TNKS1BP1: variants seen among roughly 807,000 people sequenced by gnomAD.
TNKS1BP1 encodes 182 kDa tankyrase-1-binding protein.
In TNKS1BP1, 48 loss-of-function variants were observed where a neutral mutation model predicts 141.1. That is an observed-to-expected ratio of 0.34 (90% confidence interval 0.27 to 0.43). The LOEUF (loss-of-function observed/expected upper bound fraction) is 0.43, where lower values mean the gene tolerates loss of function less well. Among genes scored for constraint, TNKS1BP1 ranks in the 20% least tolerant of loss-of-function variants. The pLI, the probability that TNKS1BP1 is intolerant of heterozygous loss-of-function variation, is 1.00. For missense variants in TNKS1BP1, 2,149 were observed against 2,226.0 expected (o/e 0.97, Z 0.70); for synonymous variants, 875 against 898.2 (o/e 0.97, Z 0.46).
chr11:57,301,183 A>T, intron 9 of TNKS1BP1, 142 bp from the exon 10 acceptor site: 1 of 903,118 alleles, frequency 1.1e-6, no homozygotes, highest in South Asian at 2.0e-5. Flanking sequence ...AAAGGATGGG[A>T]AGTCACTTAG....
intron 9 of TNKS1BP1, 47 bp from the exon 10 acceptor site, chr11:57,301,088 T>C (rs1270506051): frequency 3.9e-6 from 6 of 1,538,408 alleles, no homozygotes; most frequent in African/African-American, 1.4e-5. Context: ...GGACAGGCAG[T>C]AGGACTCTCA....
chr11:57,321,744 T>C, intron 2 of TNKS1BP1, 48 bp downstream of exon 2: 9 of 1,039,664 alleles, frequency 8.7e-6, no homozygotes, highest in South Asian at 2.6e-5. Context: ...CCTCTGTCCT[T>C]CCCACCCCCC....
At chr11:57,321,004 C>T (rs1030171839) in intron 2 of TNKS1BP1, among the ~76,000 whole-genome samples, 1 of 152,172 alleles carries the variant, frequency 6.6e-6, no homozygotes, top group Non-Finnish European at 1.5e-5. Context: ...CTGTATTTTG[C>T]CCCTAGCATA....
At chr11:57,324,808 C>T in intron 1 of TNKS1BP1, 32 bp downstream of exon 1, 1 of 985,602 alleles carries the variant, frequency 1.0e-6, no homozygotes, top group Non-Finnish European at 1.2e-6. Context: ...GACCCCGCCC[C>T]CTCCTTCGCC....
In TNKS1BP1 at chr11:57,312,873, C is replaced by G; in HGVS notation, c.1815G>C (p.Leu605=). 6.2e-7 allele frequency: 1 copy of G among 1,608,146 alleles called. No homozygotes were observed. Among genetic ancestry groups the G allele is most frequent in the Non-Finnish European group, 8.5e-7 (1 of 1,176,560 alleles). The part of the protein sequence containing the change: ...PLAGQESPLP[L]ATREAALPIL... ...TGGGCAAGGCTGCCTCCCTGGTAGC[C>G]AGGGGGAGAGGGGACTCCTGTCCAG... is the stretch of plus-strand genomic sequence containing the variant. The change falls in exon 5 of 12, where the codon CTG becomes CTC. Residue 605 remains leucine (L), a synonymous_variant. Coordinates refer to ENST00000358252, the MANE Select transcript of TNKS1BP1 (RefSeq NM_033396.3).
chr11:57,320,023 T>TA, intron 3 of TNKS1BP1, 56 bp downstream of exon 3: 2 of 641,916 alleles, frequency 3.1e-6, no homozygotes, highest in South Asian at 1.7e-5. Context: ...CCCCACCCAA[T>TA]CCCACCCCAC....
rs1418613149 is a variant in TNKS1BP1 at position 57,320,236 on chromosome 11, G to A, written c.571C>T (p.His191Tyr). ...GGGCCATATCGCGAGCTGCCATCGT[G>A]GTTAAAGGTGAGGCGGGAACCCCAC... ...RLWGSRLTFN[H>Y]DGSSRYGPRT... Residue 191 changes from histidine to tyrosine, a missense_variant, in exon 3 of 12, where the codon CAC becomes TAC. Physicochemically the swap from His to Tyr is moderately conservative, Grantham distance 83. Coordinates refer to ENST00000358252, the MANE Select transcript of TNKS1BP1 (RefSeq NM_033396.3). The A allele has an allele frequency of 3.7e-6, 6 of 1,614,072 alleles. No individual in the cohort carries two copies. The African/African-American group carries it at 8.0e-5, about 22-fold the overall frequency.
Position 57,310,260 on chromosome 11 carries a change from C to T in TNKS1BP1, c.2451G>A (p.Val817=), listed in dbSNP as rs1855684765. The stretch of plus-strand genomic sequence containing the variant: ...CAACTACCCGGTCCTGGGCTGTGAG[C>T]ACCCCTGGGGCAGACACTTTACTCT... ...QDQSKVSAPG[V]LTAQDRVVGK... Residue 817 remains valine (V), a synonymous_variant, in exon 6 of 12, where the codon GTG becomes GTA. Transcript: ENST00000358252. The T allele has an allele frequency of 6.2e-7, 1 of 1,613,966 alleles. No individual in the cohort carries two copies. Among genetic ancestry groups the T allele is most frequent in the Admixed American group, 1.7e-5 (1 of 60,006 alleles).
At chr11:57,306,916 T>TGGGGGGGGGGGGGGGGGGGAGGGG (rs1189050190) in intron 6 of TNKS1BP1, among the ~76,000 whole-genome samples, 1 of 11,384 alleles carries the variant, frequency 8.8e-5, no homozygotes, top group Admixed American at 1.1e-3. Context: ...GGGGGGGGGT[T>TGGGGGGGGGGGGGGGGGGGAGGGG]GGGTGGGAGG....
Position 57,302,228 on chromosome 11 carries a change from C to G in TNKS1BP1, c.4684-4G>C. The G allele has an allele frequency of 6.2e-7, 1 of 1,608,778 alleles. No homozygotes were observed. Among genetic ancestry groups the G allele is most frequent in the Non-Finnish European group, 8.5e-7 (1 of 1,177,806 alleles). ...CACTGTCGAGGATCTCGGTGTCCTG[C>G]TTGGGGCAATGGTGACACCACTGCC... On this transcript the variant is annotated splice_region_variant and splice_polypyrimidine_tract_variant and intron_variant, in intron 7 of 11. Coordinates refer to ENST00000358252, the MANE Select transcript of TNKS1BP1 (RefSeq NM_033396.3). This position sits in a 1 kb window ranked among gnomAD's most constrained non-coding sequence, Gnocchi z 5.5.
At chr11:57,316,622 T>C (rs529502966) in intron 4 of TNKS1BP1, among the ~76,000 whole-genome samples, 18 of 152,292 alleles carry the variant, frequency 1.2e-4, no homozygotes, top group Non-Finnish European at 2.6e-4. Context: ...GCTCTCTATC[T>C]ATCTGAAAGT....
At chr11:57,300,451 G>GA in intron 11 of TNKS1BP1, 77 bp downstream of exon 11, 1 of 1,356,632 alleles carries the variant, frequency 7.4e-7, no homozygotes, top group Non-Finnish European at 1.0e-6. Context: ...CTAAGGGACA[G>GA]AAGGGGCATG....
In TNKS1BP1 at chr11:57,312,737, C is replaced by T. The variant is rs760016734; in HGVS notation, c.1951G>A (p.Val651Met). The T allele has an allele frequency of 2.1e-5, 34 of 1,585,530 alleles. No individual in the cohort carries two copies. The highest frequency in any genetic ancestry group is 4.0e-5 in the African/African-American group (3 of 74,414). ...GQALPVEEEA[V>M]TLARAETTQA... Reference sequence around the variant, plus strand: ...GTGGTCTCAGCCCGGGCTAGGGTCACGGCCTCCTCCTCAACAGGCAGTGCC... The same window carrying T: ...GTGGTCTCAGCCCGGGCTAGGGTCATGGCCTCCTCCTCAACAGGCAGTGCC... Residue 651 changes from valine to methionine, a missense_variant, in exon 5 of 12, where the codon GTG (valine) becomes ATG (methionine). Coordinates refer to ENST00000358252, the MANE Select transcript of TNKS1BP1 (RefSeq NM_033396.3).
chr11:57,318,815 A>T (rs2134371729), intron 3 of TNKS1BP1, among the ~76,000 whole-genome samples: 1 of 152,294 alleles, frequency 6.6e-6, no homozygotes, highest in Non-Finnish European at 1.5e-5. Context: ...AACCAGCCAA[A>T]ATCTCTGTGC....
chr11:57,318,475 T>A (rs532220757), intron 3 of TNKS1BP1, among the ~76,000 whole-genome samples: 1 of 152,220 alleles, frequency 6.6e-6, no homozygotes, highest in Non-Finnish European at 1.5e-5. Context: ...CACTTTCAGG[T>A]GAGAGAAGGG....
In TNKS1BP1 at chr11:57,301,030, G is replaced by C. The variant is rs751100864; in HGVS notation, c.4983C>G (p.Arg1661=). The C allele has an allele frequency of 1.2e-6, 2 of 1,611,402 alleles. No homozygotes were observed. The highest frequency in any genetic ancestry group is 1.7e-6 in the Non-Finnish European group (2 of 1,178,520). The change falls in exon 10 of 12, where the codon CGC becomes CGG. Residue 1661 remains arginine (R), a synonymous_variant. Transcript: ENST00000358252. ...LSPSALKAKL[R]PRNRSAEEGE... Reference sequence around the variant, plus strand: ...CCTCCTCAGCTGAGCGATTCCGGGGGCGCAGCTTGGCCTGAGAAGCAAGTC... The same window carrying C: ...CCTCCTCAGCTGAGCGATTCCGGGGCCGCAGCTTGGCCTGAGAAGCAAGTC...
At chr11:57,316,710 C>T (rs927289131) in intron 4 of TNKS1BP1, among the ~76,000 whole-genome samples, 11 of 152,148 alleles carry the variant, frequency 7.2e-5, no homozygotes, top group Admixed American at 6.5e-4. Context: ...CTCCAGGGTC[C>T]AAGCCGTCAT....
intron 1 of TNKS1BP1, among the ~76,000 whole-genome samples, chr11:57,323,485 C>T (rs929813780): frequency 5.9e-5 from 9 of 152,306 alleles, no homozygotes; most frequent in African/African-American, 2.2e-4. Flanking sequence ...CTTAAAGTCA[C>T]CCACTCCAGC....
rs1403585475 is a variant in TNKS1BP1 at position 57,308,479 on chromosome 11, C to T, written c.4232G>A (p.Gly1411Asp). ...CAAGGAAGACGAGGAGTAATCTTCA[C>T]CCTGGGTCTCTGGCCCACTTGTCTC... ...VGETSGPETQ[G>D]EDYSSSSLEP... Residue 1411 changes from glycine (G) to aspartate (D), a missense_variant, in exon 6 of 12, where the codon GGT (glycine) becomes GAT (aspartate). By Grantham distance (94) the Gly-to-Asp change is moderately conservative (BLOSUM62 -1). Transcript: ENST00000358252. 5.0e-6 allele frequency: 8 copies of T among 1,614,060 alleles called. No individual in the cohort carries two copies. The African/African-American group carries it at 5.3e-5, about 11-fold the overall frequency.
Sources: gnomAD v4.1 joint callset for allele counts (sites outside exome capture counted in the v4.1 genomes callset) on GRCh38, gnomAD v4.1.1 for gene constraint, Gnocchi (gnomAD v3.1) non-coding constraint, MANE v1.5 for transcripts, NCBI Gene and HGNC (gene_info 2026-07-23, HGNC 2026-07-21) for gene names.